Variants in TSHR observed in about 807,000 individuals in gnomAD.
The protein encoded by TSHR is thyrotropin receptor.
TSHR carries 51 observed loss-of-function variants against 64.1 expected under a neutral mutation model. The observed-to-expected ratio is 0.80, with a 90% CI of 0.64 to 1.01. The LOEUF is 1.01. Among genes scored for constraint, TSHR ranks in the 50% least tolerant of loss-of-function variants. The pLI is 0.00. For missense variants in TSHR, 877 were observed against 942.8 expected (o/e 0.93, Z 0.91); for synonymous variants, 361 against 361.9 (o/e 1.00, Z 0.03).
chr14:81,116,660 T>C (rs1890527751), intron 8 of TSHR, among the ~76,000 whole-genome samples: 4 of 146,246 alleles, frequency 2.7e-5, no homozygotes. Context: ...GGAATTGAAC[T>C]CAGCTCTGCA....
chr14:81,004,569 A>G (rs1338331926), intron 1 of TSHR, among the ~76,000 whole-genome samples: 1 of 152,178 alleles, frequency 6.6e-6, no homozygotes, highest in Admixed American at 6.5e-5. Flanking sequence ...GCCCATCTGT[A>G]GCAATGTATA....
chr14:81,012,883 T>C (rs987486534), intron 1 of TSHR: 1 of 152,152 alleles, frequency 6.6e-6, no homozygotes, highest in East Asian at 1.9e-4. Context: ...TTCTCCCATT[T>C]TGTAGGTTGC....
At chr14:81,094,378 A>C (rs1888989883) in intron 6 of TSHR, 1 of 152,206 alleles carries the variant, frequency 6.6e-6, no homozygotes, top group African/African-American at 2.4e-5. Context: ...CAACAAATTT[A>C]GGAAAATTAA....
chr14:81,023,281 C>T (rs1206038190), intron 1 of TSHR, among the ~76,000 whole-genome samples: 1 of 151,996 alleles, frequency 6.6e-6, no homozygotes, highest in Non-Finnish European at 1.5e-5. Flanking sequence ...TGGGGAGTCT[C>T]AAGCCTACTG....
chr14:80,976,151 T>G lies in TSHR; in HGVS notation c.170+20301T>G, dbSNP rs188561137. Among the ~76,000 whole-genome samples the G allele has an allele frequency of 6.3e-3, 958 of 152,306 alleles. 6 individuals carry two copies. Among genetic ancestry groups the G allele is most frequent in the African/African-American group, 0.021 (882 of 41,550 alleles). ...TGGTCTCCATCTCCTGACCTCGTGATCCGCCCGCCTCGGCCTCCCAAAGTG... is the reference window on the plus strand; with the variant it reads ...TGGTCTCCATCTCCTGACCTCGTGAGCCGCCCGCCTCGGCCTCCCAAAGTG... On this transcript the variant is annotated intron_variant, in intron 1 of 9. Coordinates refer to ENST00000298171, the MANE Select transcript of TSHR (RefSeq NM_000369.5).
chr14:81,142,603 ATTCT>A (rs1399641200), intron 9 of TSHR, among the ~76,000 whole-genome samples: 11 of 120,308 alleles, frequency 9.1e-5, no homozygotes, highest in Admixed American at 7.5e-4. Flanking sequence ...TTAAACAAGC[ATTCT>A]TTTTTTTTTT....
At chr14:80,982,088 T>C in intron 1 of TSHR, 1 of 532,596 alleles carries the variant, frequency 1.9e-6, no homozygotes, top group Non-Finnish European at 3.5e-6. Context: ...CGGGTGTGGT[T>C]AGGCCTGTAG....
At chr14:81,086,067 TG>T (rs982881267) in intron 3 of TSHR, among the ~76,000 whole-genome samples, 3 of 152,326 alleles carry the variant, frequency 2.0e-5, no homozygotes, top group Admixed American at 6.5e-5. Flanking sequence ...GTAAAAATCA[TG>T]ACATAATAGT....
At chr14:81,120,431 T>C (rs969711405) in intron 8 of TSHR, among the ~76,000 whole-genome samples, 1 of 152,226 alleles carries the variant, frequency 6.6e-6, no homozygotes, top group Non-Finnish European at 1.5e-5. Flanking sequence ...TTTGTTTTGT[T>C]TTGATGCCAT....
At chr14:80,985,754 T>C (rs1888414349) in intron 1 of TSHR, among the ~76,000 whole-genome samples, 1 of 152,220 alleles carries the variant, frequency 6.6e-6, no homozygotes, top group African/African-American at 2.4e-5. Flanking sequence ...CAGTTGTGTA[T>C]TGTAAACATC....
chr14:81,061,031 C>A (rs539447625), intron 1 of TSHR, among the ~76,000 whole-genome samples: 2 of 152,206 alleles, frequency 1.3e-5, no homozygotes, highest in African/African-American at 4.8e-5. Context: ...AAAGTCACAC[C>A]TTTAAGGTGC....
intron 8 of TSHR, among the ~76,000 whole-genome samples, chr14:81,127,160 T>C (rs1264053941): frequency 6.6e-6 from 1 of 152,230 alleles, no homozygotes; most frequent in African/African-American, 2.4e-5. Flanking sequence ...TTTTAGCATG[T>C]AGAATTAGGC....
chr14:80,980,044 G>A (rs953306157), intron 1 of TSHR, among the ~76,000 whole-genome samples: 1 of 152,050 alleles, frequency 6.6e-6, no homozygotes. Context: ...CTCTTTGCAG[G>A]CAGATCTTTT....
At chr14:81,069,262 T>C (rs1053638938) in intron 3 of TSHR, among the ~76,000 whole-genome samples, 3 of 152,168 alleles carry the variant, frequency 2.0e-5, no homozygotes, top group Non-Finnish European at 4.4e-5. Flanking sequence ...GTCGCACAGT[T>C]ACCAAGGGAC....
At chr14:81,115,319 A>G (rs1441368905) in intron 8 of TSHR, among the ~76,000 whole-genome samples, 2 of 150,548 alleles carry the variant, frequency 1.3e-5, no homozygotes, top group Non-Finnish European at 2.9e-5. Context: ...AATAACCAAT[A>G]CAGAGAAGTG....
At chr14:80,997,900 AT>A (rs1889108289) in intron 1 of TSHR, among the ~76,000 whole-genome samples, 2 of 152,248 alleles carry the variant, frequency 1.3e-5, no homozygotes, top group East Asian at 3.9e-4. Flanking sequence ...GATTGTTCAT[AT>A]TTACTTAATT....
In TSHR at chr14:81,106,173, C is replaced by T. The variant is rs568123230; in HGVS notation, c.615-2202C>T. On this transcript the variant is annotated intron_variant, in intron 7 of 9. Transcript: ENST00000298171. ...TCCCTTTGTCATACTTAACAATGCC[C>T]TGAATACTGGGTGTTCTGCCACTAC... is the stretch of plus-strand genomic sequence containing the variant. Among the ~76,000 whole-genome samples, 53 of 152,174 alleles carry T rather than the reference C, an allele frequency of 3.5e-4. 1 individual carries two copies. Among genetic ancestry groups the T allele is most frequent in the Non-Finnish European group, 1.6e-4 (11 of 68,048 alleles).
At chr14:81,002,178 T>TTGGTAATACAAAGGTA (rs1353685201) in intron 1 of TSHR, among the ~76,000 whole-genome samples, 3 of 152,182 alleles carry the variant, frequency 2.0e-5, no homozygotes, top group East Asian at 1.9e-4. Context: ...AACATATGTA[T>TTGGTAATACAAAGGTA]ATTACCTTTC....
In TSHR at chr14:81,068,231, T is replaced by A. The variant is rs748298070; in HGVS notation, c.243-23T>A. On this transcript the variant is annotated intron_variant, in intron 2 of 9. Coordinates refer to ENST00000298171, the MANE Select transcript of TSHR (RefSeq NM_000369.5). Reference sequence around the variant, plus strand: ...ACAACCTTACTAACTTTCTACTTTGTCTTATATTTTTCTGACATTCAGCTA... The same window carrying A: ...ACAACCTTACTAACTTTCTACTTTGACTTATATTTTTCTGACATTCAGCTA... 9.9e-5 allele frequency: 160 copies of A among 1,609,676 alleles called. 1 individual carries two copies. Among genetic ancestry groups the A allele is most frequent in the Non-Finnish European group, 1.3e-4 (149 of 1,176,946 alleles).
Sources: gnomAD v4.1 joint callset for allele counts (sites outside exome capture counted in the v4.1 genomes callset) on GRCh38, gnomAD v4.1.1 for gene constraint, MANE v1.5 for transcripts, NCBI Gene and HGNC (gene_info 2026-07-23, HGNC 2026-07-21) for gene names.